Variants in LOC400499 observed in about 807,000 individuals in gnomAD.
the LOC400499 span, among the ~76,000 whole-genome samples, chr16:11,500,034 C>T: frequency 6.6e-5 from 10 of 152,312 alleles, no homozygotes; most frequent in East Asian, 1.9e-3. Context: ...AATTATTGAC[C>T]TCATCTCACA....
chr16:11,516,241 G>C, the LOC400499 span: 2 of 399,532 alleles, frequency 5.0e-6, no homozygotes, highest in Non-Finnish European at 8.8e-6. Flanking sequence ...CAGTGGGATG[G>C]GGACACAGGT....
chr16:11,383,738 C>T, the LOC400499 span: 17 of 1,232,262 alleles, frequency 1.4e-5, no homozygotes, highest in African/African-American at 1.6e-5. Flanking sequence ...TCCTGGGTGC[C>T]ACAGGGGACC....
chr16:11,433,446 G>A, the LOC400499 span, among the ~76,000 whole-genome samples: 9 of 152,186 alleles, frequency 5.9e-5, no homozygotes, highest in African/African-American at 2.2e-4. Context: ...GTACCAGAAT[G>A]TGCAGTACTC....
chr16:11,411,437 C>T, the LOC400499 span: 1 of 397,932 alleles, frequency 2.5e-6, no homozygotes, highest in East Asian at 3.6e-5. Context: ...GTCAGAGAGC[C>T]AGGATCACAT....
At chr16:11,449,307 C>A in the LOC400499 span, among the ~76,000 whole-genome samples, 1 of 152,158 alleles carries the variant, frequency 6.6e-6, no homozygotes, top group African/African-American at 2.4e-5. Context: ...AAGAAAAACT[C>A]CTCTCTGTTG....
chr16:11,384,190 C>G, the LOC400499 span: 716,806 of 1,221,758 alleles, frequency 0.59, 213,500 homozygotes, highest in African/African-American at 0.74. Context: ...CAGCTGGAAG[C>G]AGGACAGGCA....
the LOC400499 span, among the ~76,000 whole-genome samples, chr16:11,405,576 G>C: frequency 1.3e-5 from 2 of 152,142 alleles, no homozygotes; most frequent in African/African-American, 2.4e-5. Context: ...CCTGCTGGTG[G>C]GTGCCACAGT....
the LOC400499 span, among the ~76,000 whole-genome samples, chr16:11,505,932 A>T: frequency 8.5e-5 from 13 of 152,144 alleles, no homozygotes; most frequent in Admixed American, 1.3e-4. Context: ...TATCTTAATT[A>T]TAGTCATCCT....
chr16:11,454,880 A>G, the LOC400499 span, among the ~76,000 whole-genome samples: 2 of 152,220 alleles, frequency 1.3e-5, no homozygotes, highest in African/African-American at 4.8e-5. Context: ...AGTAAAAGGA[A>G]TTCCCAGGTT....
At chr16:11,494,569 C>G in the LOC400499 span, 2 of 392,604 alleles carry the variant, frequency 5.1e-6, no homozygotes, top group Non-Finnish European at 9.0e-6. Flanking sequence ...CACTGGATGT[C>G]CTCACCTTGT....
chr16:11,417,485 G>T, the LOC400499 span: 1 of 397,300 alleles, frequency 2.5e-6, no homozygotes, highest in African/African-American at 2.1e-5. Flanking sequence ...GTCATTGACG[G>T]GCAAGGCTGT....
chr16:11,379,301 G>A, the LOC400499 span, among the ~76,000 whole-genome samples: 1 of 152,174 alleles, frequency 6.6e-6, no homozygotes, highest in Non-Finnish European at 1.5e-5. Flanking sequence ...AGACCTATCT[G>A]TTTCTCCTTT....
At chr16:11,422,322 C>T in the LOC400499 span, among the ~76,000 whole-genome samples, 1 of 152,120 alleles carries the variant, frequency 6.6e-6, no homozygotes, top group Admixed American at 6.6e-5. Flanking sequence ...GACACTTGAA[C>T]CTGGTAGGCA....
At chr16:11,476,777 G>T in the LOC400499 span, 1 of 399,420 alleles carries the variant, frequency 2.5e-6, no homozygotes, top group Non-Finnish European at 4.4e-6. Flanking sequence ...AAGCTGAGCA[G>T]CTCCACGGCC....
chr16:11,475,656 G>A, the LOC400499 span: 1 of 399,126 alleles, frequency 2.5e-6, no homozygotes, highest in Non-Finnish European at 4.4e-6. Flanking sequence ...GACCTCAGAA[G>A]GGCCAGGGAC....
At chr16:11,525,334 C>T in the LOC400499 span, among the ~76,000 whole-genome samples, 2,730 of 149,522 alleles carry the variant, frequency 0.018, 80 homozygotes, top group African/African-American at 0.063. Context: ...TTCCCCAAAA[C>T]GGGGAGGGGT....
the LOC400499 span, among the ~76,000 whole-genome samples, chr16:11,485,361 T>C: frequency 6.6e-6 from 1 of 152,130 alleles, no homozygotes; most frequent in Non-Finnish European, 1.5e-5. Flanking sequence ...CATGTCACTC[T>C]CTTCCCACCT....
the LOC400499 span, among the ~76,000 whole-genome samples, chr16:11,387,545 T>C: frequency 6.6e-6 from 1 of 152,190 alleles, no homozygotes; most frequent in African/African-American, 2.4e-5. Flanking sequence ...AGGACACAGA[T>C]GTCCGATGTC....
the LOC400499 span, among the ~76,000 whole-genome samples, chr16:11,382,791 C>T: frequency 2.0e-5 from 3 of 152,102 alleles, no homozygotes; most frequent in Admixed American, 1.3e-4. Flanking sequence ...GCCTGGGTGA[C>T]AGAGTGAGAC....
Sources: gnomAD v4.1 joint callset for allele counts (sites outside exome capture counted in the v4.1 genomes callset) on GRCh38, gnomAD v4.1.1 for gene constraint, MANE v1.5 for transcripts.